The following TENT4B variants were observed in gnomAD, a reference collection of about 807,000 sequenced individuals.
The protein encoded by TENT4B is terminal nucleotidyltransferase 4B.
In TENT4B, 10 loss-of-function variants were observed where a neutral mutation model predicts 75.0. The observed-to-expected ratio is 0.13, with a 90% CI of 0.08 to 0.23. TENT4B has a LOEUF of 0.23. TENT4B is among the 10% of genes least tolerant of loss of function. The pLI, the probability that TENT4B is intolerant of heterozygous loss-of-function variation, is 1.00. For missense variants in TENT4B, 579 were observed against 893.8 expected (o/e 0.65, Z 4.49); for synonymous variants, 350 against 357.7 (o/e 0.98, Z 0.24).
rs2031983448 is a variant in TENT4B at position 50,224,989 on chromosome 16, G to C, written c.1607G>C (p.Cys536Ser). The C allele has an allele frequency of 6.2e-7, 1 of 1,613,202 alleles. No homozygotes were observed. The highest frequency in any genetic ancestry group is 1.3e-5 in the African/African-American group (1 of 74,916). ...TTGAAGAATAGACCTGAGCCTTCAT[G>C]CAATGGTAAGATATTTTCCTTGGTC... The part of the protein sequence containing the change: ...WGLKNRPEPS[C>S]NGNGVTLIVD... Residue 536 changes from cysteine (C) to serine (S), a missense_variant, in exon 9 of 12, where the codon TGC becomes TCC. Physicochemically the swap from Cys to Ser is moderately radical, Grantham distance 112. Transcript: ENST00000561678.
chr16:50,205,838 G>A (rs1479068713), intron 1 of TENT4B, among the ~76,000 whole-genome samples: 1 of 151,906 alleles, frequency 6.6e-6, no homozygotes, highest in Non-Finnish European at 1.5e-5. Flanking sequence ...TGATCTACCC[G>A]CCTCAGCCTC....
In TENT4B at chr16:50,197,879, A is replaced by T. The variant is rs191844704; in HGVS notation, c.639-13444A>T. 8.5e-4 allele frequency among the ~76,000 whole-genome samples: 129 copies of T among 152,264 alleles called. 1 individual carries two copies. The highest frequency in any genetic ancestry group is 3.1e-3 in the African/African-American group (129 of 41,546). On this transcript the variant is annotated intron_variant, in intron 1 of 11. Coordinates refer to ENST00000561678, the MANE Select transcript of TENT4B (RefSeq NM_001365324.3). ...GTCTGTTTACATCTCCATTTTGGTT[A>T]TAGTTCATTATGGACAGAAAAACCT...
chr16:50,232,305 A>G lies in TENT4B; in HGVS notation c.*2977A>G, dbSNP rs571244842. ...GTAGGACCTATGTTTTTTACAAGTA[A>G]TTGCCCTCCAGTCTTCAACAGTTGA... On this transcript the variant is annotated 3_prime_UTR_variant, in exon 12 of 12. Transcript: ENST00000561678. 8 of 985,348 alleles carry G rather than the reference A, an allele frequency of 8.1e-6. No homozygotes were observed. In the African/African-American group the frequency reaches 1.0e-4, roughly 13 times the overall value. 61.0% of individuals were successfully genotyped at this position (985,348 alleles called of 1,614,324 possible). A position where few individuals can be genotyped will look rare whatever the true frequency, so the allele number is the denominator to read the frequency against.
Position 50,176,360 on chromosome 16 carries a change from C to T in TENT4B, c.638+22101C>T, listed in dbSNP as rs187965305. Among the ~76,000 whole-genome samples the T allele has an allele frequency of 1.2e-3, 184 of 152,086 alleles. 3 individuals are homozygous for T. Among genetic ancestry groups the T allele is most frequent in the Non-Finnish European group, 2.6e-4 (18 of 67,990 alleles). ...TCCGTCTCCCAAAGTGCTGCGATTACAGGCATGAACCACTACGCCCAGCCT... is the reference window on the plus strand; with the variant it reads ...TCCGTCTCCCAAAGTGCTGCGATTATAGGCATGAACCACTACGCCCAGCCT... On this transcript the variant is annotated intron_variant, in intron 1 of 11. Transcript: ENST00000561678.
Position 50,233,826 on chromosome 16 carries a change from T to C in TENT4B, c.*4498T>C. The C allele has an allele frequency of 1.0e-6, 1 of 985,446 alleles. No homozygotes were observed. The highest frequency in any genetic ancestry group is 1.2e-6 in the Non-Finnish European group (1 of 829,936). The allele number at this position is 985,446 out of a possible 1,614,324, so 61.0% of individuals were successfully genotyped here. On this transcript the variant is annotated 3_prime_UTR_variant, in exon 12 of 12. Transcript: ENST00000561678. ...GATGGATGTAGTGCATTCCCTTTGG[T>C]TATTACACATTTGTGGTAGCTCCTG... is the stretch of plus-strand genomic sequence containing the variant.
intron 1 of TENT4B, among the ~76,000 whole-genome samples, chr16:50,181,464 A>ATTTTT (rs35488041): frequency 2.9e-4 from 32 of 109,776 alleles, no homozygotes; most frequent in Admixed American, 3.8e-4. Flanking sequence ...CAGCTATTGT[A>ATTTTT]TTTTTTTTTT....
chr16:50,158,968 A>C (rs927686290), intron 1 of TENT4B, among the ~76,000 whole-genome samples: 3 of 152,192 alleles, frequency 2.0e-5, no homozygotes, highest in African/African-American at 7.2e-5. Context: ...TTTGGAAATA[A>C]GGGCCAGAAG....
In TENT4B at chr16:50,153,807, C is replaced by G. The variant is rs1053012218; in HGVS notation, c.186C>G (p.Ser62Arg). ...SSSSSTATGG[S>R]GSSTGSPGGA... ...GCAGCAGCACGGCCACCGGCGGGAGCGGCAGCAGCACCGGCAGCCCCGGCG... is the reference window on the plus strand; with the variant it reads ...GCAGCAGCACGGCCACCGGCGGGAGGGGCAGCAGCACCGGCAGCCCCGGCG... Residue 62 changes from serine (S) to arginine (R), a missense_variant, in exon 1 of 12, where the codon AGC (serine) becomes AGG (arginine). Ser to Arg is a moderately radical substitution (Grantham distance 110). This residue lies in a region of TENT4B where 253 missense variants were observed against 270.1 expected (regional missense o/e 0.94). Transcript: ENST00000561678. 8.2e-6 allele frequency: 10 copies of G among 1,213,700 alleles called. No homozygotes were observed. The Admixed American group carries it at 1.8e-4, about 22-fold the overall frequency. The allele number at this position is 1,213,700 out of a possible 1,614,324, so 75.2% of individuals were successfully genotyped here.
chr16:50,154,062 C>T lies in TENT4B; in HGVS notation c.441C>T (p.Ala147=). The change falls in exon 1 of 12, where the codon GCC becomes GCT. Residue 147 remains alanine, a synonymous_variant. Transcript: ENST00000561678. ...CGCACCCTTCGGCCGCCGTCCCCGC[C>T]GCCGATCCAGCCGATTCGGCCTCGG... The part of the protein sequence containing the change: ...SSPHPSAAVP[A]ADPADSASGS... 1 of 1,531,732 alleles carries T rather than the reference C, an allele frequency of 6.5e-7. No homozygotes were observed. The highest frequency in any genetic ancestry group is 8.7e-7 in the Non-Finnish European group (1 of 1,145,154). The allele number at this position is 1,531,732 out of a possible 1,614,324, so 94.9% of individuals were successfully genotyped here.
chr16:50,177,633 A>G (rs997546992), intron 1 of TENT4B, among the ~76,000 whole-genome samples: 31 of 150,064 alleles, frequency 2.1e-4, no homozygotes, highest in Admixed American at 1.8e-3. Flanking sequence ...TTTCTTTGTT[A>G]ATCTGGCTAG....
chr16:50,177,608 G>A (rs545275509), intron 1 of TENT4B, among the ~76,000 whole-genome samples: 3 of 151,978 alleles, frequency 2.0e-5, no homozygotes, highest in Admixed American at 1.3e-4. Flanking sequence ...AGTAATTTGT[G>A]TCTTTGCCCT....
intron 7 of TENT4B, 79 bp from the exon 8 acceptor site, chr16:50,224,578 C>T (rs1414612722): frequency 6.4e-7 from 1 of 1,566,900 alleles, no homozygotes; most frequent in African/African-American, 1.4e-5. Context: ...GGCCCTTGCT[C>T]TCCTGGAAGA....
At chr16:50,179,564 A>T (rs766371651) in intron 1 of TENT4B, among the ~76,000 whole-genome samples, 3 of 152,176 alleles carry the variant, frequency 2.0e-5, no homozygotes, top group Non-Finnish European at 4.4e-5. Context: ...ATATTTGCAG[A>T]AGATATTCAT....
chr16:50,222,742 C>T (rs532426069), intron 6 of TENT4B, among the ~76,000 whole-genome samples: 6 of 152,100 alleles, frequency 3.9e-5, no homozygotes, highest in Non-Finnish European at 8.8e-5. Flanking sequence ...TAAATGCCAA[C>T]AATAAGAATG....
At chr16:50,163,695 G>A (rs1432797983) in intron 1 of TENT4B, among the ~76,000 whole-genome samples, 6 of 150,970 alleles carry the variant, frequency 4.0e-5, no homozygotes, top group East Asian at 2.0e-4. Context: ...CACCGCGCCC[G>A]GCCTGATATA....
intron 1 of TENT4B, among the ~76,000 whole-genome samples, chr16:50,154,604 C>G (rs913870637): frequency 6.6e-6 from 1 of 151,840 alleles, no homozygotes; most frequent in Non-Finnish European, 1.5e-5. Context: ...ACCACCACCC[C>G]GCCTCCAGCC....
intron 1 of TENT4B, among the ~76,000 whole-genome samples, chr16:50,177,120 A>T (rs1048811191): frequency 2.6e-5 from 4 of 151,542 alleles, no homozygotes; most frequent in Non-Finnish European, 5.9e-5. Context: ...CTCCTGCCTC[A>T]GTCTCCTGAG....
At chr16:50,173,270 A>G (rs1443159045) in intron 1 of TENT4B, among the ~76,000 whole-genome samples, 1 of 152,062 alleles carries the variant, frequency 6.6e-6, no homozygotes, top group Non-Finnish European at 1.5e-5. Flanking sequence ...CTGCTGAATA[A>G]TACTCCATTG....
chr16:50,167,697 G>A (rs1201492010), intron 1 of TENT4B, among the ~76,000 whole-genome samples: 1 of 150,310 alleles, frequency 6.7e-6, no homozygotes, highest in Non-Finnish European at 1.5e-5. Flanking sequence ...TTGCTCTGTC[G>A]CCCAGGCTGG....
Sources: gnomAD v4.1 joint callset for allele counts (sites outside exome capture counted in the v4.1 genomes callset) on GRCh38, gnomAD v4.1.1 for gene constraint, gnomAD v4.1.1 regional missense constraint, MANE v1.5 for transcripts, NCBI Gene and HGNC (gene_info 2026-07-23, HGNC 2026-07-21) for gene names.